Variants in SRGAP2 observed in about 807,000 individuals in gnomAD.
The protein encoded by SRGAP2 is SLIT-ROBO Rho GTPase-activating protein 2.
In SRGAP2, 15 loss-of-function variants were observed where a neutral mutation model predicts 57.2. The ratio of observed to expected loss-of-function variants is 0.26; its 90% CI spans 0.18 to 0.40. The LOEUF (loss-of-function observed/expected upper bound fraction) is 0.40. Among genes scored for constraint, SRGAP2 ranks in the 10% least tolerant of loss-of-function variants. The probability of loss-of-function intolerance (pLI) is 1.00; values close to 1 mark genes in which losing one functional copy is unlikely to be tolerated. For missense variants in SRGAP2, 520 were observed against 669.6 expected (o/e 0.78, Z 2.47); for synonymous variants, 249 against 248.0 (o/e 1.00, Z -0.04).
intron 10 of SRGAP2, among the ~76,000 whole-genome samples, chr1:206,411,125 G>GT (rs1659185059): frequency 6.6e-6 from 1 of 152,246 alleles, no homozygotes; most frequent in East Asian, 1.9e-4. Flanking sequence ...CTCCCAAAGT[G>GT]CTGGGATTAC....
chr1:206,393,648 T>C lies in SRGAP2; in HGVS notation c.806T>C (p.Ile269Thr). ...AATGCATCTGTCTTCAAGTACTACA[T>C]CCATGACCTATCTGACCTTATTGAT... ...ATNASVFKYYIHDLSDLIDQC... is the reference protein window; with the variant it reads ...ATNASVFKYYTHDLSDLIDQC... The change falls in exon 7 of 23, where the codon ATC becomes ACC. Residue 269 changes from isoleucine to threonine, a missense_variant. This residue lies in a region of SRGAP2 where 12 missense variants were observed against 21.3 expected (regional missense o/e 0.56). Transcript: ENST00000573034. 1.4e-6 allele frequency: 1 copy of C among 731,402 alleles called. No individual in the cohort carries two copies. The highest frequency in any genetic ancestry group is 2.5e-6 in the Non-Finnish European group (1 of 392,778). The allele number at this position is 731,402 out of a possible 1,614,324, so 45.3% of individuals were successfully genotyped here. A position where few individuals can be genotyped will look rare whatever the true frequency, so the allele number is the denominator to read the frequency against.
chr1:206,371,594 A>C (rs1553342640), intron 4 of SRGAP2, among the ~76,000 whole-genome samples: 1 of 151,512 alleles, frequency 6.6e-6, no homozygotes, highest in African/African-American at 2.4e-5. Context: ...AGCCAGGCAT[A>C]GTGGCGGGCA....
At chr1:206,337,949 C>A (rs1571894920) in intron 3 of SRGAP2, among the ~76,000 whole-genome samples, 1 of 152,194 alleles carries the variant, frequency 6.6e-6, no homozygotes, top group South Asian at 2.1e-4. Context: ...TGTTGAACGT[C>A]CATAAATAGT....
intron 4 of SRGAP2, among the ~76,000 whole-genome samples, chr1:206,358,520 A>G (rs1443564215): frequency 2.6e-4 from 40 of 151,664 alleles, no homozygotes; most frequent in Middle Eastern, 3.2e-3. Flanking sequence ...CTGCCCACAT[A>G]AGCATTGCAT....
chr1:206,372,757 A>T (rs1354467828), intron 4 of SRGAP2, among the ~76,000 whole-genome samples: 145 of 69,784 alleles, frequency 2.1e-3, no homozygotes, highest in African/African-American at 7.6e-3. Flanking sequence ...ATTTTTAAAA[A>T]GCAAAACTAG....
chr1:206,397,509 G>C (rs1355418141), intron 7 of SRGAP2, among the ~76,000 whole-genome samples: 3 of 151,474 alleles, frequency 2.0e-5, no homozygotes, highest in Admixed American at 1.3e-4. Flanking sequence ...GTGAAAAGAA[G>C]TTATTTTTGT....
At chr1:206,455,228 C>T in intron 21 of SRGAP2, 1 of 611,964 alleles carries the variant, frequency 1.6e-6, no homozygotes, top group East Asian at 2.8e-5. Context: ...TCCAGGTCTC[C>T]AGCTAGCTGC....
rs1201002904 is a variant in SRGAP2, at chr1:206,372,915, CTT to C, written c.424-11097_424-11096del. Among the ~76,000 whole-genome samples, 7 of 6,230 alleles carry C rather than the reference CTT, an allele frequency of 1.1e-3. 1 individual carries two copies. The African/African-American group carries it at 0.017, about 15-fold the overall frequency. 4.1% of individuals were successfully genotyped at this position (6,230 alleles called of 152,430 possible). On this transcript the variant is annotated intron_variant, in intron 4 of 22. Coordinates refer to ENST00000573034, the MANE Select transcript of SRGAP2 (RefSeq NM_015326.5). ...TTCTCTCTCCTTTCTTTCTTTCTTT[CTT>C]TCTTTCTTTCTTTCTTTCTTTCTTT...
chr1:206,421,513 C>T (rs180928692), intron 13 of SRGAP2, among the ~76,000 whole-genome samples: 108 of 152,274 alleles, frequency 7.1e-4, no homozygotes, highest in African/African-American at 2.6e-3. Context: ...CTCTTGCATA[C>T]TAGGGGTTTG....
intron 2 of SRGAP2, among the ~76,000 whole-genome samples, chr1:206,226,439 A>T (rs1667277535): frequency 6.6e-6 from 1 of 151,924 alleles, no homozygotes; most frequent in Non-Finnish European, 1.5e-5. Flanking sequence ...TTTGGTAGAA[A>T]AAAGACCACT....
intron 3 of SRGAP2, among the ~76,000 whole-genome samples, chr1:206,338,886 C>T (rs1191652697): frequency 6.8e-6 from 1 of 147,728 alleles, no homozygotes; most frequent in Non-Finnish European, 1.5e-5. Context: ...TATAAATCTG[C>T]TTTTAAAGTA....
At chr1:206,425,183 C>CT (rs200969660) in intron 13 of SRGAP2, among the ~76,000 whole-genome samples, 1,909 of 152,304 alleles carry the variant, frequency 0.013, 23 homozygotes, top group South Asian at 0.026. Flanking sequence ...ACCAACAAAA[C>CT]TATGCAAACG....
At chr1:206,438,350 G>T (rs1661963803) in intron 16 of SRGAP2, among the ~76,000 whole-genome samples, 1 of 151,398 alleles carries the variant, frequency 6.6e-6, no homozygotes, top group South Asian at 2.1e-4. Context: ...ATTCATCTCT[G>T]GGCTTTATCT....
At chr1:206,370,286 T>C (rs1558355987) in intron 4 of SRGAP2, among the ~76,000 whole-genome samples, 1 of 151,846 alleles carries the variant, frequency 6.6e-6, no homozygotes, top group African/African-American at 2.4e-5. Flanking sequence ...AATAAATAAA[T>C]AAATAAATAA....
intron 2 of SRGAP2, among the ~76,000 whole-genome samples, chr1:206,242,910 T>TCAG (rs782255509): frequency 2.6e-5 from 4 of 152,032 alleles, no homozygotes; most frequent in Non-Finnish European, 5.9e-5. Context: ...ATGTTTCTTA[T>TCAG]CAGTGCTCGG....
intron 2 of SRGAP2, among the ~76,000 whole-genome samples, chr1:206,220,385 G>T (rs1244834438): frequency 6.6e-6 from 1 of 152,196 alleles, no homozygotes; most frequent in Non-Finnish European, 1.5e-5. Flanking sequence ...TGGAGTAGGA[G>T]TGAGGAGCTA....
At chr1:206,453,427 A>G (rs782171939) in intron 20 of SRGAP2, 47 bp downstream of exon 20, 2 of 544,088 alleles carry the variant, frequency 3.7e-6, no homozygotes, top group South Asian at 2.5e-5. Context: ...CAGCTGCTCT[A>G]TGGGAGTGAG....
chr1:206,338,225 AG>A (rs1553334241), intron 3 of SRGAP2, among the ~76,000 whole-genome samples: 1 of 62,954 alleles, frequency 1.6e-5, no homozygotes, highest in Admixed American at 1.8e-4. Context: ...GTGTTTGAGG[AG>A]GTTTGCAGCT....
At chr1:206,307,237 G>C (rs1158539598) in intron 3 of SRGAP2, among the ~76,000 whole-genome samples, 2 of 150,366 alleles carry the variant, frequency 1.3e-5, no homozygotes, top group African/African-American at 4.9e-5. Flanking sequence ...GGTTCTCCAC[G>C]TCCTCACTAG....
Sources: gnomAD v4.1 joint callset for allele counts (sites outside exome capture counted in the v4.1 genomes callset) on GRCh38, gnomAD v4.1.1 for gene constraint, gnomAD v4.1.1 regional missense constraint, MANE v1.5 for transcripts, NCBI Gene and HGNC (gene_info 2026-07-23, HGNC 2026-07-21) for gene names.